The following BTBD9 variants were observed in gnomAD, a reference collection of about 807,000 sequenced individuals.
The protein encoded by BTBD9 is BTB domain containing 9, also known as BTB/POZ domain-containing protein 9.
A neutral mutation model predicts 64.3 loss-of-function variants in BTBD9; 49 were observed. That is an observed-to-expected ratio of 0.76 (90% confidence interval 0.61 to 0.97). The LOEUF (loss-of-function observed/expected upper bound fraction) is 0.97, where lower values mean the gene tolerates loss of function less well. Ranked by LOEUF, BTBD9 falls within the 50% of genes least tolerant of loss-of-function variation. The probability of loss-of-function intolerance (pLI) is 0.00; values close to 1 mark genes in which losing one functional copy is unlikely to be tolerated. For synonymous variants in BTBD9, 260 were observed against 274.7 expected (o/e 0.95, Z 0.53); for missense variants, 598 against 762.1 (o/e 0.78, Z 2.53).
chr6:38,247,687 C>T (rs889347631), intron 9 of BTBD9, among the ~76,000 whole-genome samples: 2 of 152,208 alleles, frequency 1.3e-5, no homozygotes, highest in Admixed American at 6.5e-5. Context: ...GAGAAGCGGG[C>T]TTTAAGGAGC....
chr6:38,430,735 G>A (rs1333273702), intron 6 of BTBD9, among the ~76,000 whole-genome samples: 5 of 151,658 alleles, frequency 3.3e-5, no homozygotes, highest in Admixed American at 6.6e-5. Flanking sequence ...GGCTGGTCTC[G>A]AACTCCTGGA....
intron 6 of BTBD9, among the ~76,000 whole-genome samples, chr6:38,381,970 T>C (rs117383590): frequency 0.02 from 3,018 of 152,320 alleles, 93 homozygotes; most frequent in East Asian, 0.11. Flanking sequence ...ACTTGTGGGA[T>C]GACATCACTA....
intron 6 of BTBD9, among the ~76,000 whole-genome samples, chr6:38,546,933 T>C (rs1463476668): frequency 6.6e-6 from 1 of 152,134 alleles, no homozygotes; most frequent in African/African-American, 2.4e-5. Flanking sequence ...CTCCCAAGTG[T>C]TGGGATTACA....
chr6:38,416,812 A>C (rs909019102), intron 6 of BTBD9, among the ~76,000 whole-genome samples: 3 of 152,140 alleles, frequency 2.0e-5, no homozygotes, highest in Non-Finnish European at 2.9e-5. Context: ...AGCCCTCAGT[A>C]CTATTGAACA....
chr6:38,417,565 C>A (rs533856434), intron 6 of BTBD9, among the ~76,000 whole-genome samples: 1 of 152,004 alleles, frequency 6.6e-6, no homozygotes, highest in Non-Finnish European at 1.5e-5. Flanking sequence ...CTTGAGTCTG[C>A]GACTTTGATA....
chr6:38,623,482 T>C (rs749302360), intron 1 of BTBD9, among the ~76,000 whole-genome samples: 1 of 152,164 alleles, frequency 6.6e-6, no homozygotes, highest in Non-Finnish European at 1.5e-5. Context: ...CAATCCCAAA[T>C]AGACCATTTG....
intron 6 of BTBD9, among the ~76,000 whole-genome samples, chr6:38,538,166 T>G (rs1204283940): frequency 6.6e-6 from 1 of 152,230 alleles, no homozygotes; most frequent in Non-Finnish European, 1.5e-5. Context: ...TTTATAGTAC[T>G]GAAGTACTAA....
intron 6 of BTBD9, among the ~76,000 whole-genome samples, chr6:38,406,640 G>A (rs138329580): frequency 2.2e-4 from 33 of 152,292 alleles, no homozygotes; most frequent in African/African-American, 7.5e-4. Context: ...TTAATAAGAA[G>A]AATCACATTG....
chr6:38,176,108 C>T (rs1275672493), intron 10 of BTBD9, among the ~76,000 whole-genome samples: 1 of 152,154 alleles, frequency 6.6e-6, no homozygotes, highest in Non-Finnish European at 1.5e-5. Context: ...GGAGAGTAGA[C>T]AACGTGCTTC....
rs529653142 is a variant in BTBD9, at chr6:38,484,563, T to C, written c.1154+93037A>G. On this transcript the variant is annotated intron_variant, in intron 6 of 10. Transcript: ENST00000481247. ...CAAGCCTGATCTCCTTTGACATTTG[T>C]AGCAACCCTATGAGACAGGTACAGG... 6.9e-4 allele frequency among the ~76,000 whole-genome samples: 105 copies of C among 152,344 alleles called. No individual in the cohort carries two copies. In the South Asian group the frequency reaches 0.02, roughly 29 times the overall value.
At chr6:38,308,233 CAG>C (rs1318376360) in intron 7 of BTBD9, among the ~76,000 whole-genome samples, 1 of 152,226 alleles carries the variant, frequency 6.6e-6, no homozygotes, top group African/African-American at 2.4e-5. Flanking sequence ...AAATTGAGGA[CAG>C]AGGCATTTCC....
intron 6 of BTBD9, among the ~76,000 whole-genome samples, chr6:38,378,963 T>C (rs1411909737): frequency 1.3e-5 from 2 of 152,122 alleles, no homozygotes; most frequent in Non-Finnish European, 2.9e-5. Context: ...AGCTGGTGTT[T>C]GCTCTGATGT....
intron 6 of BTBD9, among the ~76,000 whole-genome samples, chr6:38,383,589 A>T (rs1766028445): frequency 6.6e-6 from 1 of 152,254 alleles, no homozygotes; most frequent in South Asian, 2.1e-4. Flanking sequence ...TACATCTAGA[A>T]ATAAACCTAA....
chr6:38,545,837 A>AAC (rs1233030307), intron 6 of BTBD9, among the ~76,000 whole-genome samples: 205 of 112,764 alleles, frequency 1.8e-3, no homozygotes, highest in South Asian at 3.9e-3. Flanking sequence ...TAATATTTAA[A>AAC]ACACACACAC....
At chr6:38,490,300 A>T (rs1379296401) in intron 6 of BTBD9, among the ~76,000 whole-genome samples, 1 of 151,996 alleles carries the variant, frequency 6.6e-6, no homozygotes, top group Non-Finnish European at 1.5e-5. Flanking sequence ...TGGACACTAC[A>T]CTCTCAAAAG....
intron 6 of BTBD9, among the ~76,000 whole-genome samples, chr6:38,508,608 A>G (rs1315695183): frequency 6.6e-6 from 1 of 152,170 alleles, no homozygotes; most frequent in Non-Finnish European, 1.5e-5. Flanking sequence ...CCCACTACTT[A>G]AAACTCATCA....
At chr6:38,610,832 C>A (rs931544748) in intron 1 of BTBD9, among the ~76,000 whole-genome samples, 2 of 151,422 alleles carry the variant, frequency 1.3e-5, no homozygotes, top group Non-Finnish European at 2.9e-5. Context: ...TTTAAAAATA[C>A]ATTTCCTATG....
chr6:38,494,222 C>T (rs527848990), intron 6 of BTBD9, among the ~76,000 whole-genome samples: 38 of 152,222 alleles, frequency 2.5e-4, no homozygotes, highest in Non-Finnish European at 5.1e-4. Flanking sequence ...AAGCTGGTAA[C>T]ATTAGCTCCT....
In BTBD9 at chr6:38,171,552, A is replaced by C. The variant is rs1766757839; in HGVS notation, c.*3433T>G. 1.6e-5 allele frequency: 2 copies of C among 128,030 alleles called. No homozygotes were observed. The highest frequency in any genetic ancestry group is 1.6e-5 in the Non-Finnish European group (1 of 63,316). 7.9% of individuals were successfully genotyped at this position (128,030 alleles called of 1,614,324 possible). ...GAAAAAGCACTGAGAAAATGGTAAA[A>C]CGGGTGTGTGTGTGTGTGTGTGTGT... On this transcript the variant is annotated 3_prime_UTR_variant, in exon 11 of 11. Transcript: ENST00000481247.
Sources: gnomAD v4.1 joint callset for allele counts (sites outside exome capture counted in the v4.1 genomes callset) on GRCh38, gnomAD v4.1.1 for gene constraint, MANE v1.5 for transcripts, NCBI Gene and HGNC (gene_info 2026-07-23, HGNC 2026-07-21) for gene names.